Variants in TINAG observed in about 807,000 individuals in gnomAD.
TINAG encodes the protein tubulointerstitial nephritis antigen.
In TINAG, 83 loss-of-function variants were observed where a neutral mutation model predicts 72.7. The observed-to-expected ratio is 1.14, with a 90% CI of 0.96 to 1.37. TINAG has a LOEUF of 1.37. Among genes scored for constraint, TINAG ranks in the 40% most tolerant of loss-of-function variants. The pLI, the probability that TINAG is intolerant of heterozygous loss-of-function variation, is 0.00. For missense variants in TINAG, 685 were observed against 576.6 expected, an observed-to-expected ratio of 1.19 and a Z score of -1.93; for synonymous variants, 234 against 189.9, an observed-to-expected ratio of 1.23 and a Z score of -1.91.
At chr6:54,333,197 A>C (rs757376383) in intron 4 of TINAG, among the ~76,000 whole-genome samples, 3 of 152,198 alleles carry the variant, frequency 2.0e-5, no homozygotes, top group African/African-American at 7.2e-5. Context: ...CATTCACAAT[A>C]GCAAAGACTT....
At chr6:54,366,966 G>C (rs1763448737) in intron 9 of TINAG, 1 of 151,686 alleles carries the variant, frequency 6.6e-6, no homozygotes, top group Non-Finnish European at 1.5e-5. Flanking sequence ...AGGTAGCCAA[G>C]ACAGGGGGCC....
chr6:54,336,464 T>C (rs766695508), intron 4 of TINAG, among the ~76,000 whole-genome samples: 1 of 152,136 alleles, frequency 6.6e-6, no homozygotes, highest in African/African-American at 2.4e-5. Flanking sequence ...ATGATGCTCT[T>C]ATATCAAATC....
At chr6:54,344,673 T>C (rs547688692) in intron 5 of TINAG, among the ~76,000 whole-genome samples, 2 of 152,258 alleles carry the variant, frequency 1.3e-5, no homozygotes, top group Non-Finnish European at 2.9e-5. Flanking sequence ...AGCAACTTGC[T>C]AGGGTGGAGG....
chr6:54,311,872 G>T, intron 1 of TINAG, among the ~76,000 whole-genome samples: 1 of 152,040 alleles, frequency 6.6e-6, no homozygotes, highest in East Asian at 1.9e-4. Flanking sequence ...AAAATTTATA[G>T]ACTTATTTGA....
chr6:54,343,258 GT>G lies in TINAG; in HGVS notation c.663del (p.Phe221LeufsTer36). 12 of 1,582,240 alleles carry G rather than the reference GT, an allele frequency of 7.6e-6. No individual in the cohort carries two copies. Among genetic ancestry groups the G allele is most frequent in the Non-Finnish European group, 7.7e-6 (9 of 1,162,310 alleles). On this transcript the variant is annotated frameshift_variant, in exon 5 of 11. Coordinates refer to ENST00000259782, the MANE Select transcript of TINAG (RefSeq NM_014464.4). LOFTEE classifies it high-confidence loss of function. The part of the protein sequence containing the change: ...SLPATTDLPE[F>X]FVASYKWPGW... ...TACCTGCAACAACTGATCTTCCAGA[GT>G]TTTTTGTTGCTTCTTATAAATGGCC... is the stretch of plus-strand genomic sequence containing the variant.
intron 4 of TINAG, chr6:54,327,335 A>G: frequency 1.7e-6 from 1 of 596,868 alleles, no homozygotes; most frequent in Non-Finnish European, 2.5e-6. Context: ...CACCTCACCC[A>G]GGAAGAGCAA....
chr6:54,313,177 G>T (rs1233146818), intron 1 of TINAG, among the ~76,000 whole-genome samples: 1 of 152,024 alleles, frequency 6.6e-6, no homozygotes, highest in Non-Finnish European at 1.5e-5. Context: ...GTATTTTTTT[G>T]AACTTCTCTA....
chr6:54,321,609 A>C (rs1191391388), intron 3 of TINAG, among the ~76,000 whole-genome samples: 1 of 152,222 alleles, frequency 6.6e-6, no homozygotes, highest in Non-Finnish European at 1.5e-5. Context: ...TTATCTAGGA[A>C]AGAGCAATGT....
At chr6:54,322,537 A>G (rs1784516651) in intron 3 of TINAG, among the ~76,000 whole-genome samples, 1 of 152,238 alleles carries the variant, frequency 6.6e-6, no homozygotes, top group Admixed American at 6.5e-5. Flanking sequence ...AGCAATTAGA[A>G]AAGTGAAATA....
At chr6:54,319,509 G>A (rs956579227) in intron 1 of TINAG, among the ~76,000 whole-genome samples, 9 of 152,200 alleles carry the variant, frequency 5.9e-5, no homozygotes, top group Admixed American at 3.9e-4. Flanking sequence ...ATGCCTAGAC[G>A]TAAATACATA....
intron 10 of TINAG, among the ~76,000 whole-genome samples, chr6:54,384,828 C>T (rs1462946344): frequency 6.6e-6 from 1 of 152,032 alleles, no homozygotes; most frequent in African/African-American, 2.4e-5. Context: ...AAACTATTAG[C>T]CAGCTTTATG....
At chr6:54,322,785 A>G (rs1784522382) in intron 3 of TINAG, among the ~76,000 whole-genome samples, 1 of 152,214 alleles carries the variant, frequency 6.6e-6, no homozygotes, top group Non-Finnish European at 1.5e-5. Context: ...TAACTTGATG[A>G]CATCTTCAGT....
intron 9 of TINAG, among the ~76,000 whole-genome samples, chr6:54,377,244 G>A (rs1334088807): frequency 6.6e-6 from 1 of 152,116 alleles, no homozygotes; most frequent in Admixed American, 6.6e-5. Context: ...AGGTACAGTG[G>A]CTCACACCTA....
chr6:54,365,481 TATC>T (rs1244344689), intron 9 of TINAG: 1 of 151,582 alleles, frequency 6.6e-6, no homozygotes, highest in African/African-American at 2.4e-5. Context: ...TTTCTTGATC[TATC>T]ATCTGTGAGG....
chr6:54,320,797 T>A (rs537882330), intron 2 of TINAG, among the ~76,000 whole-genome samples, 155 bp downstream of exon 2: 22 of 152,300 alleles, frequency 1.4e-4, no homozygotes, highest in Non-Finnish European at 2.5e-4. Context: ...TGTATAAGCA[T>A]ATTTAATTTT....
At chr6:54,332,909 A>G (rs1237926232) in intron 4 of TINAG, among the ~76,000 whole-genome samples, 1 of 152,226 alleles carries the variant, frequency 6.6e-6, no homozygotes, top group Non-Finnish European at 1.5e-5. Flanking sequence ...AATCAAAACC[A>G]CAGTGAGATA....
intron 10 of TINAG, among the ~76,000 whole-genome samples, chr6:54,385,703 G>A (rs1764078169): frequency 6.6e-6 from 1 of 151,516 alleles, no homozygotes; most frequent in African/African-American, 2.4e-5. Context: ...AAAAAATATA[G>A]GCCGATATCT....
At chr6:54,332,611 G>C (rs1169918864) in intron 4 of TINAG, among the ~76,000 whole-genome samples, 1 of 152,108 alleles carries the variant, frequency 6.6e-6, no homozygotes, top group Non-Finnish European at 1.5e-5. Flanking sequence ...AGCCAAAATA[G>C]ACAAATGGGA....
intron 4 of TINAG, among the ~76,000 whole-genome samples, chr6:54,342,657 C>T (rs1309753788): frequency 2.0e-5 from 3 of 152,094 alleles, no homozygotes; most frequent in South Asian, 2.1e-4. Context: ...CGTGAGCCAC[C>T]GTGCCCAGTC....
Sources: allele counts gnomAD v4.1 joint callset (sites outside exome capture counted in the v4.1 genomes callset), GRCh38; gene constraint gnomAD v4.1.1; transcripts MANE v1.5; gene names NCBI Gene and HGNC (gene_info 2026-07-23, HGNC 2026-07-21).